SCN8A: variants seen among roughly 807,000 people sequenced by gnomAD.
SCN8A encodes sodium voltage-gated channel alpha subunit 8.
SCN8A carries 30 observed loss-of-function variants against 184.1 expected under a neutral mutation model. The observed-to-expected ratio is 0.16, with a 90% CI of 0.12 to 0.22. The LOEUF (loss-of-function observed/expected upper bound fraction) is 0.22. SCN8A is among the 10% of genes least tolerant of loss of function. The pLI is 1.00. For synonymous variants in SCN8A, 852 were observed against 907.0 expected (o/e 0.94, Z 1.09); for missense variants, 1,057 against 2,498.9 (o/e 0.42, Z 12.30).
chr12:51,705,497 G>A lies in SCN8A; in HGVS notation c.1215G>A (p.Leu405=), dbSNP rs751093826. The A allele has an allele frequency of 6.4e-5, 103 of 1,613,964 alleles. No homozygotes were observed. Among genetic ancestry groups the A allele is most frequent in the Middle Eastern group, 3.3e-4 (2 of 6,084 alleles). Residue 405 remains leucine (L), a synonymous_variant, in exon 10 of 27, where the codon TTG becomes TTA. Transcript: ENST00000627620. ...IFVGSFYLVN[L]ILAVVAMAYE... is the part of the protein sequence containing the mutation. ...TGGGTTCTTTCTATCTGGTGAACTT[G>A]ATCTTGGCTGTGGTGGCCATGGCTT...
intron 1 of SCN8A, among the ~76,000 whole-genome samples, chr12:51,602,634 C>A (rs769806839): frequency 8.5e-5 from 13 of 152,060 alleles, no homozygotes; most frequent in Admixed American, 2.6e-4. Flanking sequence ...ATCAATCAAT[C>A]AATCAATCAA....
intron 17 of SCN8A, 24 bp downstream of exon 17, chr12:51,769,359 C>A: frequency 1.3e-6 from 2 of 1,529,360 alleles, no homozygotes; most frequent in Non-Finnish European, 1.8e-6. Context: ...CTAGAAACAG[C>A]CTTGATCCTG....
chr12:51,687,642 C>T (rs1033393080), intron 5 of SCN8A, among the ~76,000 whole-genome samples: 1 of 152,082 alleles, frequency 6.6e-6, no homozygotes, highest in Non-Finnish European at 1.5e-5. Flanking sequence ...TAAGGCTGGC[C>T]AGGAGTTGCA....
intron 26 of SCN8A, 116 bp downstream of exon 26, chr12:51,794,757 A>G (rs1938362232): frequency 3.0e-6 from 3 of 1,010,420 alleles, no homozygotes; most frequent in Admixed American, 2.2e-5. Context: ...AGATACCCTC[A>G]TAGCTTAAGT....
chr12:51,753,425 C>T (rs1388799040), intron 14 of SCN8A, among the ~76,000 whole-genome samples: 1 of 152,116 alleles, frequency 6.6e-6, no homozygotes, highest in Non-Finnish European at 1.5e-5. Context: ...ACTGGCTTGA[C>T]GTATAAAATC....
At chr12:51,732,095 T>C (rs1029883394) in intron 12 of SCN8A, among the ~76,000 whole-genome samples, 1 of 152,220 alleles carries the variant, frequency 6.6e-6, no homozygotes, top group Non-Finnish European at 1.5e-5. Flanking sequence ...CTGTCCATTT[T>C]TGCTTTGGTT....
At chr12:51,759,450 G>T (rs1942730651) in intron 14 of SCN8A, among the ~76,000 whole-genome samples, 1 of 152,168 alleles carries the variant, frequency 6.6e-6, no homozygotes, top group Non-Finnish European at 1.5e-5. Flanking sequence ...TTCACATCCT[G>T]GGAGGATAGA....
intron 20 of SCN8A, among the ~76,000 whole-genome samples, chr12:51,778,164 T>C (rs901594768): frequency 6.6e-6 from 1 of 152,206 alleles, no homozygotes; most frequent in Non-Finnish European, 1.5e-5. Context: ...GGTAGCCTAA[T>C]AGGGCAACAT....
At chr12:51,705,837 A>C (rs1422950542) in intron 10 of SCN8A, among the ~76,000 whole-genome samples, 1 of 152,216 alleles carries the variant, frequency 6.6e-6, no homozygotes, top group East Asian at 1.9e-4. Context: ...TCTTTTGTTG[A>C]ATTGCTCAAC....
intron 20 of SCN8A, 64 bp from the exon 21 acceptor site, chr12:51,780,585 T>TTTTTTTTTTTTTTTTTTTTC: frequency 3.2e-6 from 1 of 315,614 alleles, no homozygotes; most frequent in Non-Finnish European, 5.3e-6. Context: ...TTTTTTTTTT[T>TTTTTTTTTTTTTTTTTTTTC]TTTTTTTTTT....
intron 1 of SCN8A, among the ~76,000 whole-genome samples, chr12:51,659,220 A>G (rs1940881255): frequency 6.6e-6 from 1 of 152,216 alleles, no homozygotes; most frequent in African/African-American, 2.4e-5. Flanking sequence ...CCAGAACCCA[A>G]AGAGTATGTT....
chr12:51,691,559 G>T (rs1159436091), intron 6 of SCN8A, among the ~76,000 whole-genome samples: 1 of 152,064 alleles, frequency 6.6e-6, no homozygotes, highest in Non-Finnish European at 1.5e-5. Flanking sequence ...TAAGCCAATA[G>T]AAAGGGTTTG....
At chr12:51,674,965 C>A (rs949114944) in intron 2 of SCN8A, among the ~76,000 whole-genome samples, 1 of 152,152 alleles carries the variant, frequency 6.6e-6, no homozygotes, top group Non-Finnish European at 1.5e-5. Flanking sequence ...GCCTGTAAAC[C>A]ACTCTGCTTT....
intron 1 of SCN8A, among the ~76,000 whole-genome samples, chr12:51,656,040 T>C (rs986337309): frequency 6.6e-6 from 1 of 152,246 alleles, no homozygotes; most frequent in African/African-American, 2.4e-5. Flanking sequence ...AGGTGGTCTC[T>C]AAGTTCCTTC....
At chr12:51,777,409 G>T (rs1937737944) in intron 20 of SCN8A, among the ~76,000 whole-genome samples, 2 of 152,222 alleles carry the variant, frequency 1.3e-5, no homozygotes, top group South Asian at 4.1e-4. Flanking sequence ...ACAGACACGT[G>T]CCAAGGCGCC....
At chr12:51,743,831 C>G (rs1356718081) in intron 12 of SCN8A, among the ~76,000 whole-genome samples, 1 of 152,140 alleles carries the variant, frequency 6.6e-6, no homozygotes, top group Non-Finnish European at 1.5e-5. Context: ...GAGCAAAAAG[C>G]CTTAGAGATT....
intron 2 of SCN8A, among the ~76,000 whole-genome samples, chr12:51,674,979 GCTTT>G (rs1463639606): frequency 6.6e-6 from 1 of 152,210 alleles, no homozygotes; most frequent in Non-Finnish European, 1.5e-5. Flanking sequence ...CTGCTTTGCT[GCTTT>G]CTAAGAGAGA....
chr12:51,625,404 T>G (rs1940056834), intron 1 of SCN8A, among the ~76,000 whole-genome samples: 1 of 152,226 alleles, frequency 6.6e-6, no homozygotes, highest in Non-Finnish European at 1.5e-5. Flanking sequence ...CACAGTTTCT[T>G]TATTCAGTCA....
At chr12:51,741,018 T>A (rs1261407118) in intron 12 of SCN8A, among the ~76,000 whole-genome samples, 1 of 152,170 alleles carries the variant, frequency 6.6e-6, no homozygotes, top group Non-Finnish European at 1.5e-5. Context: ...ACTCCTGGGC[T>A]CCAGAAACCC....
Sources: allele counts gnomAD v4.1 joint callset (sites outside exome capture counted in the v4.1 genomes callset), GRCh38; gene constraint gnomAD v4.1.1; transcripts MANE v1.5; gene names NCBI Gene and HGNC (gene_info 2026-07-23, HGNC 2026-07-21).